Variants in C6orf52 observed in about 807,000 individuals in gnomAD.
C6orf52 encodes putative uncharacterized protein C6orf52.
In C6orf52, 16 loss-of-function variants were observed where a neutral mutation model predicts 16.6. That is an observed-to-expected ratio of 0.96 (90% CI 0.65 to 1.46). C6orf52 has a LOEUF of 1.46. C6orf52 is among the 40% of genes most tolerant of loss of function. The pLI, the probability that C6orf52 is intolerant of heterozygous loss-of-function variation, is 0.00. For missense variants in C6orf52, 166 were observed against 182.3 expected, an observed-to-expected ratio of 0.91 and a Z score of 0.52; for synonymous variants, 53 against 61.4, an observed-to-expected ratio of 0.86 and a Z score of 0.64.
At chr6:10,687,309 G>A (rs972665027) in intron 2 of C6orf52, 145 bp from the exon 3 acceptor site, 2 of 784,608 alleles carry the variant, frequency 2.5e-6, no homozygotes, top group East Asian at 2.7e-5. Flanking sequence ...GGGTTGATGG[G>A]TGCAGCAAAC....
At chr6:10,674,659 A>ATTTTTTTTTTTTT (rs1561865767) in intron 4 of C6orf52, 1 of 129,056 alleles carries the variant, frequency 7.7e-6, no homozygotes, top group African/African-American at 4.2e-5. Flanking sequence ...TTTTTTTTTA[A>ATTTTTTTTTTTTT]AAGACTAGTC....
rs202241631 is a variant in C6orf52, at chr6:10,685,247, G to T, written c.270+1719C>A. 3.8e-3 allele frequency among the ~76,000 whole-genome samples: 274 copies of T among 73,030 alleles called. 6 individuals are homozygous for T. The East Asian group carries it at 0.089, about 24-fold the overall frequency. 47.9% of individuals were successfully genotyped at this position (73,030 alleles called of 152,430 possible). On this transcript the variant is annotated intron_variant, in intron 3 of 4. Coordinates refer to ENST00000259983, the MANE Select transcript of C6orf52 (RefSeq NM_001145020.3). ...AAGAGCAAAAAGAGAAGGGGCAAAA[G>T]AAAAAAAAAAAAAAAAGAGTGCCAA...
Position 10,687,074 on chromosome 6 carries a change from G to GT in C6orf52, c.161dup (p.Tyr54Ter), listed in dbSNP as rs1467853240. ...AGCCATAGCTGTAGCCAGAAAGAAGGTAAGAGCCGTGCTGTCGCGCATACC... is the reference window on the plus strand; with the variant it reads ...AGCCATAGCTGTAGCCAGAAAGAAGGTTAAGAGCCGTGCTGTCGCGCATACC... ...GNWYARQHGS[Y>*]LLSGYSYGCA... The change falls in exon 3 of 5, where the codon TAC becomes TAAC. Residue 54 changes from tyrosine (Y) to a stop codon, truncating the protein, a stop_gained and frameshift_variant. Coordinates refer to ENST00000259983, the MANE Select transcript of C6orf52 (RefSeq NM_001145020.3). LOFTEE classifies it high-confidence loss of function. The GT allele has an allele frequency of 6.4e-7, 1 of 1,551,838 alleles. No individual in the cohort carries two copies. Among genetic ancestry groups the GT allele is most frequent in the Non-Finnish European group, 8.7e-7 (1 of 1,147,006 alleles).
At chr6:10,683,073 C>T in intron 4 of C6orf52, 114 bp downstream of exon 4, 1 of 666,386 alleles carries the variant, frequency 1.5e-6, no homozygotes, top group Non-Finnish European at 2.5e-6. Context: ...ATGGCTTAGG[C>T]AACCTACATT....
chr6:10,693,889 G>A (rs1173997729), intron 1 of C6orf52, among the ~76,000 whole-genome samples: 1 of 152,094 alleles, frequency 6.6e-6, no homozygotes, highest in East Asian at 1.9e-4. Flanking sequence ...TCGCCATGCT[G>A]GGCTAATTTA....
intron 4 of C6orf52, among the ~76,000 whole-genome samples, chr6:10,672,122 G>A (rs1767477253): frequency 6.6e-6 from 1 of 152,130 alleles, no homozygotes; most frequent in Admixed American, 6.6e-5. Flanking sequence ...GTGACGAGAT[G>A]GTATTATGTT....
chr6:10,686,935 A>G (rs371328729), intron 3 of C6orf52, 31 bp downstream of exon 3: 1 of 1,461,266 alleles, frequency 6.8e-7, no homozygotes, highest in Non-Finnish European at 9.2e-7. Flanking sequence ...GGGCACACGA[A>G]TGACACAAGA....
At chr6:10,679,464 A>T (rs1768176458) in intron 4 of C6orf52, among the ~76,000 whole-genome samples, 1 of 151,938 alleles carries the variant, frequency 6.6e-6, no homozygotes, top group South Asian at 2.1e-4. Context: ...TAGAAAAAAA[A>T]ATAGCTCATT....
chr6:10,680,694 C>A (rs1768301106), intron 4 of C6orf52, among the ~76,000 whole-genome samples: 1 of 151,976 alleles, frequency 6.6e-6, no homozygotes. Flanking sequence ...GAGTTTGAGA[C>A]CAACCTGAGC....
Position 10,694,597 on chromosome 6 carries a change from T to TGTG in C6orf52, c.-116_-115insCAC. 5 of 195,442 alleles carry TGTG rather than the reference T, an allele frequency of 2.6e-5. No individual in the cohort carries two copies. The highest frequency in any genetic ancestry group is 2.2e-4 in the South Asian group (3 of 13,734). The allele number at this position is 195,442 out of a possible 1,614,324, so 12.1% of individuals were successfully genotyped here. ...TGCACGCTGCCGGCGCTACAGCCCC[T>TGTG]AAGCAACCGGCCGGAAGTCGGCCCC... On this transcript the variant is annotated 5_prime_UTR_variant, in exon 1 of 5. Coordinates refer to ENST00000259983, the MANE Select transcript of C6orf52 (RefSeq NM_001145020.3).
Position 10,686,991 on chromosome 6 carries a change from G to T in C6orf52, c.245C>A (p.Thr82Lys). Residue 82 changes from threonine to lysine, a missense_variant, in exon 3 of 5, where the codon ACA (threonine) becomes AAA (lysine). By Grantham distance (78) the Thr-to-Lys change is moderately conservative. Transcript: ENST00000259983. ...CTTAGGCATAACCAGAGTTCCAGCTGTGTGTTCAGGGGTCTCATGCGCAGA... is the reference window on the plus strand; with the variant it reads ...CTTAGGCATAACCAGAGTTCCAGCTTTGTGTTCAGGGGTCTCATGCGCAGA... The part of the protein sequence containing the change: ...CFSAHETPEH[T>K]AGTLVMPKET... 6.5e-7 allele frequency: 1 copy of T among 1,550,098 alleles called. No homozygotes were observed. The highest frequency in any genetic ancestry group is 8.7e-7 in the Non-Finnish European group (1 of 1,146,330).
intron 4 of C6orf52, among the ~76,000 whole-genome samples, chr6:10,681,406 T>C (rs912081824): frequency 1.3e-5 from 2 of 152,196 alleles, no homozygotes; most frequent in Non-Finnish European, 2.9e-5. Context: ...ATCTTTTGTA[T>C]TGTTTTTCTA....
At chr6:10,691,102 A>C (rs899204073) in intron 1 of C6orf52, among the ~76,000 whole-genome samples, 5 of 152,208 alleles carry the variant, frequency 3.3e-5, no homozygotes, top group Non-Finnish European at 7.3e-5. Flanking sequence ...TGAAAAAGTC[A>C]CTTCTCCAGA....
intron 1 of C6orf52, 136 bp from the exon 2 acceptor site, chr6:10,687,697 AG>A: frequency 1.5e-6 from 1 of 648,612 alleles, no homozygotes; most frequent in Non-Finnish European, 2.8e-6. Context: ...AATTCCTGCT[AG>A]GCAATTAATT....
chr6:10,671,658 T>C (rs1250326929), intron 4 of C6orf52, 60 bp from the exon 5 acceptor site: 11 of 1,138,950 alleles, frequency 9.7e-6, no homozygotes, highest in East Asian at 5.6e-5. Context: ...ATACTAGAAA[T>C]AGTTTAAAAT....
intron 3 of C6orf52, 101 bp downstream of exon 3, chr6:10,686,865 G>A (rs1768905649): frequency 2.3e-6 from 2 of 856,978 alleles, no homozygotes; most frequent in Non-Finnish European, 3.6e-6. Context: ...CCATGTCTGT[G>A]GGAATTTGGA....
At chr6:10,682,496 CTCCCT>C (rs1360722661) in intron 4 of C6orf52, among the ~76,000 whole-genome samples, 1 of 152,134 alleles carries the variant, frequency 6.6e-6, no homozygotes, top group African/African-American at 2.4e-5. Flanking sequence ...TAACAACATG[CTCCCT>C]TCTTTGATAA....
intron 4 of C6orf52, among the ~76,000 whole-genome samples, chr6:10,681,453 T>C (rs924000612): frequency 6.6e-6 from 1 of 152,228 alleles, no homozygotes; most frequent in African/African-American, 2.4e-5. Context: ...TTATTATTTC[T>C]TTTCTTCTAC....
Position 10,687,584 on chromosome 6 carries a change from CCA to C in C6orf52, c.-11-25_-11-24del, listed in dbSNP as rs766455817. ...AAACTTTACAAAAAGAGAGCAGAATCCAGTTTTTATTCCTGCGTCAAAAATCC... is the reference window on the plus strand; with the variant it reads ...AAACTTTACAAAAAGAGAGCAGAATCGTTTTTATTCCTGCGTCAAAAATCC... On this transcript the variant is annotated intron_variant, in intron 1 of 4. Transcript: ENST00000259983. The C allele has an allele frequency of 2.1e-4, 313 of 1,464,378 alleles. 2 individuals carry two copies. Among genetic ancestry groups the C allele is most frequent in the South Asian group, 8.0e-4 (65 of 81,318 alleles). The allele number at this position is 1,464,378 out of a possible 1,614,324, so 90.7% of individuals were successfully genotyped here.
Sources: allele counts gnomAD v4.1 joint callset (sites outside exome capture counted in the v4.1 genomes callset), GRCh38; gene constraint gnomAD v4.1.1; transcripts MANE v1.5; gene names NCBI Gene and HGNC (gene_info 2026-07-23, HGNC 2026-07-21).